PGBD5: variants seen among roughly 807,000 people sequenced by gnomAD.
PGBD5 encodes the protein piggyBac transposable element derived 5.
In PGBD5, 14 loss-of-function variants were observed where a neutral mutation model predicts 47.9. The ratio of observed to expected loss-of-function variants is 0.29; its 90% confidence interval spans 0.19 to 0.46. The LOEUF (loss-of-function observed/expected upper bound fraction) is 0.46. PGBD5 is among the 20% of genes least tolerant of loss of function. PGBD5 has a pLI of 1.00. For missense variants in PGBD5, 635 were observed against 716.0 expected, an observed-to-expected ratio of 0.89 and a Z score of 1.29; for synonymous variants, 316 against 306.3, an observed-to-expected ratio of 1.03 and a Z score of -0.33.
chr1:230,350,923 T>TCACCGACCCTCCC (rs1167906128), intron 3 of PGBD5, 35 bp downstream of exon 3: 1 of 1,607,500 alleles, frequency 6.2e-7, no homozygotes, highest in East Asian at 2.2e-5. Flanking sequence ...CCGACCCTCT[T>TCACCGACCCTCCC]CACCGACCCT....
At chr1:230,367,839 C>T (rs1241883257) in intron 1 of PGBD5, 8 of 112,584 alleles carry the variant, frequency 7.1e-5, no homozygotes, top group Non-Finnish European at 1.3e-4. Flanking sequence ...AGCATTCTCG[C>T]GTCCAATTTC....
rs74634891 is a variant in PGBD5, at chr1:230,351,124, G to A, written c.760-32C>T. On this transcript the variant is annotated intron_variant, in intron 2 of 6. Coordinates refer to ENST00000391860, the MANE Select transcript of PGBD5 (RefSeq NM_001258311.2). ...GGAGGGAAAAAGCAGAGGCTCTCAC[G>A]GAAGGCAGCATGAGCTTGAGGGCTC... 4.4e-3 allele frequency: 7,016 copies of A among 1,598,444 alleles called. 127 individuals carry two copies. Among genetic ancestry groups the A allele is most frequent in the East Asian group, 0.037 (1,622 of 44,390 alleles).
At chr1:230,360,023 A>G (rs892717748) in intron 1 of PGBD5, among the ~76,000 whole-genome samples, 1 of 152,220 alleles carries the variant, frequency 6.6e-6, no homozygotes, top group Non-Finnish European at 1.5e-5. Flanking sequence ...ATTTTATTTC[A>G]GCACAGCCTT....
At chr1:230,361,668 T>C (rs1484598987) in intron 1 of PGBD5, among the ~76,000 whole-genome samples, 1 of 152,200 alleles carries the variant, frequency 6.6e-6, no homozygotes, top group Non-Finnish European at 1.5e-5. Context: ...AAGGGGATTG[T>C]AACACAAGGG....
chr1:230,404,933 A>AAG (rs985662049), intron 1 of PGBD5, among the ~76,000 whole-genome samples: 10 of 150,740 alleles, frequency 6.6e-5, no homozygotes, highest in Non-Finnish European at 1.3e-4. Flanking sequence ...CTCAAAAAAA[A>AAG]AAAAAAAAAG....
intron 5 of PGBD5, among the ~76,000 whole-genome samples, chr1:230,327,410 T>C (rs1039040173): frequency 2.0e-5 from 3 of 152,136 alleles, no homozygotes; most frequent in Non-Finnish European, 4.4e-5. Context: ...TCTGCTTACA[T>C]ACACTGAGCC....
At chr1:230,335,210 G>T (rs1302991096) in intron 4 of PGBD5, among the ~76,000 whole-genome samples, 1 of 9,074 alleles carries the variant, frequency 1.1e-4, no homozygotes, top group Admixed American at 8.7e-4. Context: ...CAGATATACA[G>T]ACAGACACAG....
chr1:230,325,735 G>A (rs983718858), intron 5 of PGBD5, among the ~76,000 whole-genome samples: 4 of 152,072 alleles, frequency 2.6e-5, no homozygotes, highest in Non-Finnish European at 2.9e-5. Context: ...TGCTGCATCC[G>A]ACTGGGCCTT....
chr1:230,396,666 A>G (rs915774087), intron 1 of PGBD5, among the ~76,000 whole-genome samples: 2 of 147,406 alleles, frequency 1.4e-5, no homozygotes, highest in Non-Finnish European at 3.0e-5. Context: ...GACGGCACAC[A>G]TGGGGGCATC....
At chr1:230,375,124 A>G (rs774589838) in intron 1 of PGBD5, among the ~76,000 whole-genome samples, 53 of 152,304 alleles carry the variant, frequency 3.5e-4, no homozygotes, top group Non-Finnish European at 6.0e-4. Flanking sequence ...AAGCACCCAC[A>G]CTTGCGGAGA....
intron 1 of PGBD5, among the ~76,000 whole-genome samples, chr1:230,391,428 C>T (rs1180464598): frequency 2.0e-5 from 3 of 152,136 alleles, no homozygotes; most frequent in Admixed American, 6.5e-5. Flanking sequence ...AGAGGTTTTA[C>T]GGATAGAGAA....
At chr1:230,356,080 A>G (rs188773868) in intron 2 of PGBD5, among the ~76,000 whole-genome samples, 2 of 152,342 alleles carry the variant, frequency 1.3e-5, no homozygotes, top group African/African-American at 4.8e-5. Flanking sequence ...AAATATATAC[A>G]TAAAATTGAA....
intron 1 of PGBD5, among the ~76,000 whole-genome samples, chr1:230,414,747 C>T (rs144377145): frequency 4.5e-4 from 69 of 152,320 alleles, no homozygotes; most frequent in African/African-American, 1.6e-3. Flanking sequence ...CCAAATAGGA[C>T]ATTTGTATTC....
At chr1:230,404,914 A>C (rs1657262891) in intron 1 of PGBD5, among the ~76,000 whole-genome samples, 1 of 143,224 alleles carries the variant, frequency 7.0e-6, no homozygotes. Context: ...AACAAGAGCG[A>C]AACTCCATCT....
chr1:230,379,968 A>G lies in PGBD5; in HGVS notation c.332-22647T>C, dbSNP rs183009461. 6.6e-5 allele frequency among the ~76,000 whole-genome samples: 10 copies of G among 152,324 alleles called. No homozygotes were observed. The East Asian group carries it at 1.9e-3, about 29-fold the overall frequency. On this transcript the variant is annotated intron_variant, in intron 1 of 6. Coordinates refer to ENST00000391860, the MANE Select transcript of PGBD5 (RefSeq NM_001258311.2). ...TCTGGCTCCTGCACCTCATTTCTTC[A>G]TTACTACCCTCAGCATACTGGATTG...
intron 1 of PGBD5, among the ~76,000 whole-genome samples, chr1:230,387,956 G>C (rs965609221): frequency 2.0e-5 from 3 of 152,138 alleles, no homozygotes; most frequent in African/African-American, 2.4e-5. Context: ...TGTGTATTTT[G>C]ACCCAGGCCA....
intron 1 of PGBD5, among the ~76,000 whole-genome samples, chr1:230,420,502 G>A (rs1393528798): frequency 6.6e-6 from 1 of 152,134 alleles, no homozygotes; most frequent in Non-Finnish European, 1.5e-5. Context: ...TGTGTCAAGG[G>A]CGGGGCCAGG....
At chr1:230,394,591 GCTC>G (rs1326846117) in intron 1 of PGBD5, among the ~76,000 whole-genome samples, 1 of 115,000 alleles carries the variant, frequency 8.7e-6, no homozygotes. Context: ...CTCTCCTTGT[GCTC>G]CTCTCCATCC....
chr1:230,334,134 A>G (rs948500782), intron 4 of PGBD5, among the ~76,000 whole-genome samples: 1 of 152,214 alleles, frequency 6.6e-6, no homozygotes, highest in Non-Finnish European at 1.5e-5. Flanking sequence ...CAGTTGAATG[A>G]ATCTTTTCCT....
Sources: gnomAD v4.1 joint callset for allele counts (sites outside exome capture counted in the v4.1 genomes callset) on GRCh38, gnomAD v4.1.1 for gene constraint, MANE v1.5 for transcripts, NCBI Gene and HGNC (gene_info 2026-07-23, HGNC 2026-07-21) for gene names.